The following XRCC4 variants were observed in gnomAD, a reference collection of about 807,000 sequenced individuals.
XRCC4 encodes the protein DNA repair protein XRCC4.
Under a neutral mutation model 39.1 loss-of-function variants are expected in XRCC4, and 28 were observed. The observed-to-expected ratio is 0.72, with a 90% CI of 0.53 to 0.98. The LOEUF (loss-of-function observed/expected upper bound fraction) is 0.98. Among genes scored for constraint, XRCC4 ranks in the 50% least tolerant of loss-of-function variants. XRCC4 has a pLI of 0.00. For missense variants in XRCC4, 350 were observed against 376.4 expected (o/e 0.93, Z 0.58); for synonymous variants, 123 against 126.4 (o/e 0.97, Z 0.18).
the XRCC4 span, among the ~76,000 whole-genome samples, chr5:83,369,475 C>T: frequency 6.6e-6 from 1 of 152,272 alleles, no homozygotes; most frequent in South Asian, 2.1e-4. Context: ...ATGTTTAGCT[C>T]CCACTTCTAA....
chr5:83,292,087 G>A (rs184341457), intron 7 of XRCC4, among the ~76,000 whole-genome samples: 223 of 151,356 alleles, frequency 1.5e-3, no homozygotes, highest in Non-Finnish European at 1.8e-3. Flanking sequence ...AGAAAAAAAT[G>A]TAAACTTTAT....
At chr5:83,262,564 A>G (rs1398393954) in intron 7 of XRCC4, among the ~76,000 whole-genome samples, 1 of 152,114 alleles carries the variant, frequency 6.6e-6, no homozygotes, top group Non-Finnish European at 1.5e-5. Flanking sequence ...TTCAGAACAA[A>G]TATAAATCAC....
chr5:83,258,974 T>A, intron 7 of XRCC4: 1 of 302,522 alleles, frequency 3.3e-6, no homozygotes, highest in Non-Finnish European at 6.2e-6. Context: ...TAGTGTTCAG[T>A]AAAGTGTTTC....
At chr5:83,229,421 A>G (rs1752410560) in intron 6 of XRCC4, among the ~76,000 whole-genome samples, 1 of 151,796 alleles carries the variant, frequency 6.6e-6, no homozygotes, top group South Asian at 2.1e-4. Context: ...TAACAGTGAC[A>G]GTGGTGATGG....
At chr5:83,077,950 T>C (rs1465584889) in intron 1 of XRCC4, 1 of 152,848 alleles carries the variant, frequency 6.5e-6, no homozygotes, top group African/African-American at 2.4e-5. Context: ...GAGGGTAGTG[T>C]TGAGTAGGCT....
At chr5:83,268,192 T>G (rs778090334) in intron 7 of XRCC4, among the ~76,000 whole-genome samples, 32 of 152,148 alleles carry the variant, frequency 2.1e-4, no homozygotes, top group Non-Finnish European at 4.0e-4. Flanking sequence ...ACAGCAGGGA[T>G]GAATTGAGAA....
chr5:83,185,028 G>A (rs1048241015), intron 3 of XRCC4, among the ~76,000 whole-genome samples: 7 of 152,110 alleles, frequency 4.6e-5, no homozygotes, highest in African/African-American at 1.4e-4. Flanking sequence ...GGATTCTAAC[G>A]TAGAGATTTC....
intron 7 of XRCC4, among the ~76,000 whole-genome samples, chr5:83,270,372 A>G (rs1326402585): frequency 6.6e-6 from 1 of 152,098 alleles, no homozygotes; most frequent in Non-Finnish European, 1.5e-5. Context: ...CTTTTCTCTC[A>G]TGCCTAGCTC....
At position 83,353,755 on chromosome 5, in the gene XRCC4, A is replaced by T. The variant is rs1262592421; in HGVS notation, c.*513A>T. On this transcript the variant is annotated 3_prime_UTR_variant, in exon 8 of 8. Coordinates refer to ENST00000396027, the MANE Select transcript of XRCC4 (RefSeq NM_003401.5). ...AATCTGATAATAAAATTTTTGATAC[A>T]TTGAAGATTTTGTGTTTTTAATAAA... 2.0e-5 allele frequency: 3 copies of T among 152,326 alleles called. No homozygotes were observed. The highest frequency in any genetic ancestry group is 7.2e-5 in the African/African-American group (3 of 41,594). 9.4% of individuals were successfully genotyped at this position (152,326 alleles called of 1,614,324 possible).
the XRCC4 span, among the ~76,000 whole-genome samples, chr5:83,363,188 T>C: frequency 6.6e-6 from 1 of 152,108 alleles, no homozygotes; most frequent in South Asian, 2.1e-4. Flanking sequence ...AGGAGATAGA[T>C]GAAGTTTGAG....
intron 7 of XRCC4, among the ~76,000 whole-genome samples, chr5:83,267,405 A>G (rs986751372): frequency 1.3e-5 from 2 of 152,162 alleles, no homozygotes; most frequent in African/African-American, 4.8e-5. Flanking sequence ...GCATGTGCCT[A>G]TCAACCTAGA....
intron 3 of XRCC4, among the ~76,000 whole-genome samples, chr5:83,146,581 G>A (rs946900596): frequency 6.6e-6 from 1 of 152,102 alleles, no homozygotes; most frequent in African/African-American, 2.4e-5. Context: ...TCATTTTTGT[G>A]TGGTGAAATT....
chr5:83,362,316 A>AAAAAAAAAT, the XRCC4 span, among the ~76,000 whole-genome samples: 1 of 145,954 alleles, frequency 6.9e-6, no homozygotes, highest in African/African-American at 2.8e-5. Context: ...AAAAAAAAAA[A>AAAAAAAAAT]AACTATCTCA....
chr5:83,356,856 A>T (rs776606590), downstream of XRCC4: 12 of 328,092 alleles, frequency 3.7e-5, no homozygotes, highest in Non-Finnish European at 1.8e-5. Context: ...AGGTTTTTTC[A>T]TCTTAAAATG....
At chr5:83,110,762 A>G (rs1746403248) in intron 2 of XRCC4, among the ~76,000 whole-genome samples, 1 of 152,118 alleles carries the variant, frequency 6.6e-6, no homozygotes, top group Non-Finnish European at 1.5e-5. Context: ...GTAATAATTT[A>G]CAATGCGTTT....
intron 3 of XRCC4, among the ~76,000 whole-genome samples, chr5:83,130,053 A>G (rs982406878): frequency 6.6e-6 from 1 of 152,166 alleles, no homozygotes; most frequent in Admixed American, 6.5e-5. Flanking sequence ...GCCAGTTTTC[A>G]AAGGGAATGC....
chr5:83,332,226 TACACACACACACACACACACAC>T (rs67822741), intron 7 of XRCC4, among the ~76,000 whole-genome samples: 1 of 141,952 alleles, frequency 7.0e-6, no homozygotes, highest in Non-Finnish European at 1.5e-5. Flanking sequence ...TTCAATCTTC[TACACACACACACACACACACAC>T]ACACACACAC....
chr5:83,260,916 T>C (rs148922813), intron 7 of XRCC4, among the ~76,000 whole-genome samples: 128 of 152,204 alleles, frequency 8.4e-4, no homozygotes, highest in African/African-American at 3.0e-3. Context: ...ACCTGTTAGA[T>C]GTCAGTGAGC....
the XRCC4 span, among the ~76,000 whole-genome samples, chr5:83,361,623 CTT>C: frequency 9.7e-5 from 14 of 144,800 alleles, no homozygotes; most frequent in African/African-American, 2.8e-4. Flanking sequence ...TTTTATTTTT[CTT>C]TTTTTTTTTT....
Sources: allele counts gnomAD v4.1 joint callset (sites outside exome capture counted in the v4.1 genomes callset), GRCh38; gene constraint gnomAD v4.1.1; transcripts MANE v1.5; gene names NCBI Gene and HGNC (gene_info 2026-07-23, HGNC 2026-07-21).